Variants in ANK3 observed in about 807,000 individuals in gnomAD.
ANK3 encodes the protein ankyrin 3, also known as ankyrin-3.
ANK3 carries 57 observed loss-of-function variants against 370.9 expected under a neutral mutation model. The observed-to-expected ratio is 0.15, with a 90% CI of 0.12 to 0.19. The LOEUF is 0.19. ANK3 is among the 10% of genes least tolerant of loss of function. The pLI is 1.00. For synonymous variants in ANK3, 1,929 were observed against 1,946.3 expected (o/e 0.99, Z 0.23); for missense variants, 4,439 against 5,302.1 (o/e 0.84, Z 5.06).
intron 1 of ANK3, among the ~76,000 whole-genome samples, chr10:60,615,391 A>T (rs1050525191): frequency 7.3e-5 from 8 of 110,330 alleles, no homozygotes; most frequent in Admixed American, 5.8e-4. Flanking sequence ...ATTCTAGTTT[A>T]AAAAAAAAAA....
chr10:60,361,721 G>C (rs1251290334), intron 1 of ANK3, among the ~76,000 whole-genome samples: 1 of 152,130 alleles, frequency 6.6e-6, no homozygotes, highest in East Asian at 1.9e-4. Flanking sequence ...TATATTCCTA[G>C]TTATAGTTCA....
In ANK3 at chr10:60,172,374, C is replaced by T; in HGVS notation, c.2412G>A (p.Arg804=). The T allele has an allele frequency of 6.2e-7, 1 of 1,614,016 alleles. No homozygotes were observed. The highest frequency in any genetic ancestry group is 8.5e-7 in the Non-Finnish European group (1 of 1,179,918). ...VNGNTALGIA[R]RLGYISVVDT... ...CCACTACTGAGATGTAGCCGAGGCG[C>T]CGGGCAATGCCAAGGGCAGTATTCC... The change falls in exon 21 of 44, where the codon CGG becomes CGA. Residue 804 remains arginine, a synonymous_variant. Transcript: ENST00000280772.
At chr10:60,302,829 A>C (rs2044117949) in intron 1 of ANK3, among the ~76,000 whole-genome samples, 1 of 148,470 alleles carries the variant, frequency 6.7e-6, no homozygotes, top group Admixed American at 6.7e-5. Context: ...GGCCAAAAAA[A>C]CAAAAACAAA....
intron 8 of ANK3, among the ~76,000 whole-genome samples, chr10:60,217,753 G>T (rs974416190): frequency 6.6e-6 from 1 of 152,142 alleles, no homozygotes; most frequent in Admixed American, 6.6e-5. Flanking sequence ...AGAAAGTTCT[G>T]TAGACGTCTA....
chr10:60,241,238 T>C (rs1166204656), intron 7 of ANK3, among the ~76,000 whole-genome samples: 3 of 152,238 alleles, frequency 2.0e-5, no homozygotes, highest in Non-Finnish European at 4.4e-5. Context: ...ATATGCACTT[T>C]GTGAGAAGAA....
chr10:60,372,374 A>G, intron 1 of ANK3, among the ~76,000 whole-genome samples: 1 of 152,192 alleles, frequency 6.6e-6, no homozygotes, highest in Admixed American at 6.5e-5. Flanking sequence ...ATGATGGCTA[A>G]GAGAGGATTT....
Position 60,528,199 on chromosome 10 carries a change from C to T in ANK3, c.96+86987G>A, listed in dbSNP as rs539576591. Among the ~76,000 whole-genome samples the T allele has an allele frequency of 5.4e-4, 72 of 132,616 alleles. No homozygotes were observed. In the South Asian group the frequency reaches 0.017, roughly 31 times the overall value. The allele number at this position is 132,616 out of a possible 152,430, so 87.0% of individuals were successfully genotyped here. Reference sequence around the variant, plus strand: ...TTGCCCAGGCTGGATTGTAATGGTGCAATCTCGACTCACCACAACATCTAC... The same window carrying T: ...TTGCCCAGGCTGGATTGTAATGGTGTAATCTCGACTCACCACAACATCTAC... On this transcript the variant is annotated intron_variant, in intron 2 of 43. Coordinates refer to the ANK3 transcript ENST00000373827.
intron 1 of ANK3, among the ~76,000 whole-genome samples, chr10:60,287,570 T>C (rs2040308650): frequency 6.6e-6 from 1 of 152,236 alleles, no homozygotes; most frequent in Non-Finnish European, 1.5e-5. Flanking sequence ...ATTATTATTA[T>C]GCACTATGTC....
At chr10:60,297,287 C>T (rs1206780210) in intron 1 of ANK3, among the ~76,000 whole-genome samples, 1 of 152,132 alleles carries the variant, frequency 6.6e-6, no homozygotes, top group African/African-American at 2.4e-5. Context: ...ACATTATTCT[C>T]TGGAAATGTT....
At position 60,062,862 on chromosome 10, in the gene ANK3, C is replaced by CCAA. The variant is rs1249563780; in HGVS notation, c.12595+246_12595+248dup. ...TAACTTTTATGAAATATTAGAAATACCAACTCTTTCAGATACCTTAGGCGT... is the reference window on the plus strand; with the variant it reads ...TAACTTTTATGAAATATTAGAAATACCAACAACTCTTTCAGATACCTTAGGCGT... On this transcript the variant is annotated intron_variant, in intron 40 of 43. Coordinates refer to ENST00000280772, the MANE Select transcript of ANK3 (RefSeq NM_020987.5). 27 of 285,472 alleles carry CCAA rather than the reference C, an allele frequency of 9.5e-5. 1 individual carries two copies. The highest frequency in any genetic ancestry group is 5.2e-4 in the African/African-American group (24 of 46,032). 17.7% of individuals were successfully genotyped at this position (285,472 alleles called of 1,614,324 possible).
intron 2 of ANK3, among the ~76,000 whole-genome samples, chr10:60,485,811 G>A (rs934218996): frequency 6.6e-6 from 1 of 152,156 alleles, no homozygotes; most frequent in Non-Finnish European, 1.5e-5. Context: ...AGCATGATGG[G>A]CACATTGAGA....
At position 60,109,010 on chromosome 10, in the gene ANK3, C is replaced by G. The variant is rs140926595; in HGVS notation, c.2993G>C (p.Arg998Thr). ...TCTCATCCCGTGATGACGGCTTCCT[C>G]TCATGGAGCCCCCTCTCGCGTCCAC... ...FMVDARGGSM[R>T]GSRHHGMRII... The change falls in exon 27 of 44, where the codon AGA becomes ACA. Residue 998 changes from arginine to threonine, a missense_variant. Arg to Thr is a moderately conservative substitution (Grantham distance 71, BLOSUM62 -1). Around this residue, in one of 13 missense-constraint regions of ANK3, gnomAD observed 702 missense variants for 941.5 expected, o/e 0.75. Transcript: ENST00000280772. The G allele has an allele frequency of 3.7e-6, 6 of 1,613,720 alleles. No homozygotes were observed. The highest frequency in any genetic ancestry group is 1.3e-5 in the African/African-American group (1 of 74,880).
chr10:60,281,582 GT>G (rs1302528880), intron 1 of ANK3, among the ~76,000 whole-genome samples: 2 of 152,184 alleles, frequency 1.3e-5, no homozygotes, highest in Non-Finnish European at 2.9e-5. Context: ...TCATCTTACT[GT>G]TTCCCCCGCA....
chr10:60,215,411 T>C (rs985386476), intron 8 of ANK3, among the ~76,000 whole-genome samples: 9 of 152,190 alleles, frequency 5.9e-5, no homozygotes, highest in African/African-American at 2.2e-4. Context: ...GCTTTTGGCG[T>C]TTTTGTCATG....
In ANK3 at chr10:60,572,929, T is replaced by TCA. The variant is rs2077633010; in HGVS notation, c.96+42255_96+42256dup. On this transcript the variant is annotated intron_variant, in intron 2 of 43. Coordinates refer to the ANK3 transcript ENST00000373827. The stretch of plus-strand genomic sequence containing the variant: ...GAGAGAGAGACACACACACACACCC[T>TCA]CACACACACAGAAATAAGCTACAGA... 3.0e-6 allele frequency: 3 copies of TCA among 998,034 alleles called. No individual in the cohort carries two copies. The South Asian group carries it at 1.4e-4, about 45-fold the overall frequency. 61.8% of individuals were successfully genotyped at this position (998,034 alleles called of 1,614,324 possible).
chr10:60,387,362 G>T (rs2062530350), intron 1 of ANK3, among the ~76,000 whole-genome samples: 1 of 152,162 alleles, frequency 6.6e-6, no homozygotes, highest in Non-Finnish European at 1.5e-5. Context: ...TCACTTTATA[G>T]AGGAATGAGG....
intron 2 of ANK3, among the ~76,000 whole-genome samples, chr10:60,414,739 C>CT (rs1317491814): frequency 1.1e-4 from 17 of 152,094 alleles, no homozygotes; most frequent in Non-Finnish European, 2.9e-5. Context: ...GGTTCCATCG[C>CT]TTTTTTTGGC....
At chr10:60,485,516 A>G (rs1047087500) in intron 2 of ANK3, among the ~76,000 whole-genome samples, 7 of 152,188 alleles carry the variant, frequency 4.6e-5, no homozygotes, top group African/African-American at 1.7e-4. Context: ...AGGGACATCA[A>G]CAAGGGACAC....
At chr10:60,473,264 G>C (rs1243517690) in intron 2 of ANK3, among the ~76,000 whole-genome samples, 4 of 152,146 alleles carry the variant, frequency 2.6e-5, no homozygotes, top group Non-Finnish European at 4.4e-5. Flanking sequence ...ATTTTTGTCT[G>C]AGTGATGGAT....
Sources: gnomAD v4.1 joint callset for allele counts (sites outside exome capture counted in the v4.1 genomes callset) on GRCh38, gnomAD v4.1.1 for gene constraint, gnomAD v4.1.1 regional missense constraint, MANE v1.5 for transcripts, NCBI Gene and HGNC (gene_info 2026-07-23, HGNC 2026-07-21) for gene names.